RNF123: variants seen among roughly 807,000 people sequenced by gnomAD.
The protein encoded by RNF123 is ring finger protein 123.
RNF123 carries 86 observed loss-of-function variants against 168.5 expected under a neutral mutation model. The observed-to-expected ratio is 0.51, with a 90% confidence interval of 0.43 to 0.61. RNF123 has a LOEUF of 0.61. Ranked by LOEUF, RNF123 falls within the 20% of genes least tolerant of loss-of-function variation. The pLI, the probability that RNF123 is intolerant of heterozygous loss-of-function variation, is 0.00. For synonymous variants in RNF123, 666 were observed against 689.1 expected (o/e 0.97, Z 0.52); for missense variants, 1,419 against 1,729.7 (o/e 0.82, Z 3.19).
chr3:49,691,325 C>T (rs2054160200), intron 2 of RNF123, 78 bp downstream of exon 2: 2 of 1,580,906 alleles, frequency 1.3e-6, no homozygotes, highest in Admixed American at 1.7e-5. Context: ...GGCCTTGCTG[C>T]ACCTGTGGCT....
chr3:49,715,293 A>T (rs963271468), intron 31 of RNF123, among the ~76,000 whole-genome samples: 2 of 152,240 alleles, frequency 1.3e-5, no homozygotes, highest in African/African-American at 4.8e-5. Context: ...GCTGAGGGTC[A>T]GGCTGTGGCT....
At chr3:49,698,301 CAG>C in intron 7 of RNF123, 137 bp from the exon 8 acceptor site, 1 of 929,160 alleles carries the variant, frequency 1.1e-6, no homozygotes, top group Non-Finnish European at 1.7e-6. Context: ...CACCCCAGCT[CAG>C]AGAATACCTC....
chr3:49,711,981 C>T (rs919810756), intron 26 of RNF123, among the ~76,000 whole-genome samples: 1 of 152,132 alleles, frequency 6.6e-6, no homozygotes, highest in Non-Finnish European at 1.5e-5. Context: ...CTAAAACTTG[C>T]TTACAGGCTG....
At chr3:49,691,009 T>G in intron 1 of RNF123, 121 bp from the exon 2 acceptor site, 21 of 605,044 alleles carry the variant, frequency 3.5e-5, no homozygotes, top group East Asian at 5.8e-5. Flanking sequence ...CCCTGCCCTA[T>G]GTGTTAGTGT....
intron 13 of RNF123, 44 bp downstream of exon 13, chr3:49,700,396 C>T (rs1276929701): frequency 1.9e-6 from 3 of 1,612,958 alleles, no homozygotes; most frequent in South Asian, 2.2e-5. Flanking sequence ...TGTCAGTCTT[C>T]ACTGGGGTCG....
chr3:49,692,834 C>T (rs534468456), intron 3 of RNF123, among the ~76,000 whole-genome samples: 23 of 152,224 alleles, frequency 1.5e-4, no homozygotes, highest in African/African-American at 5.5e-4. Flanking sequence ...AATAGTACTC[C>T]GTTGTGTATA....
At chr3:49,706,420 G>T (rs1266610709) in intron 25 of RNF123, among the ~76,000 whole-genome samples, 1 of 152,240 alleles carries the variant, frequency 6.6e-6, no homozygotes, top group East Asian at 1.9e-4. Context: ...AGCCCAGGAA[G>T]GTGGGGCCCA....
intron 23 of RNF123, 44 bp from the exon 24 acceptor site, chr3:49,705,490 C>T (rs371085589): frequency 6.5e-7 from 1 of 1,537,826 alleles, no homozygotes; most frequent in East Asian, 2.3e-5. Context: ...CTCAGGAGAG[C>T]CGGGATGGCC....
chr3:49,700,039 A>C, intron 12 of RNF123, 188 bp from the exon 13 acceptor site: 1 of 790,584 alleles, frequency 1.3e-6, no homozygotes, highest in Non-Finnish European at 2.0e-6. Context: ...GCCAAGCCTT[A>C]GAGGAGCCGT....
In RNF123 at chr3:49,702,322, C is replaced by T. The variant is rs752683308; in HGVS notation, c.1558-12C>T. The T allele has an allele frequency of 3.3e-5, 54 of 1,613,908 alleles. No homozygotes were observed. The highest frequency in any genetic ancestry group is 4.5e-5 in the Non-Finnish European group (53 of 1,179,886). ...TCAGCTCAGCACAGCCTCACTTTTC[C>T]CTCTCTCAAAGGGTGAAGCTTCTAG... On this transcript the variant is annotated splice_polypyrimidine_tract_variant and intron_variant, in intron 18 of 38. Coordinates refer to ENST00000327697, the MANE Select transcript of RNF123 (RefSeq NM_022064.5).
intron 3 of RNF123, 83 bp from the exon 4 acceptor site, chr3:49,697,060 G>A (rs1162135740): frequency 6.0e-6 from 7 of 1,167,646 alleles, no homozygotes; most frequent in Non-Finnish European, 6.3e-6. Flanking sequence ...CCCCCTGTGA[G>A]CTCAGGGGAA....
intron 26 of RNF123, among the ~76,000 whole-genome samples, chr3:49,709,744 T>C (rs937533566): frequency 6.6e-6 from 1 of 152,080 alleles, no homozygotes; most frequent in African/African-American, 2.4e-5. Context: ...CTGCAATTTT[T>C]GTATTTTTTG....
intron 18 of RNF123, 33 bp downstream of exon 18, chr3:49,702,177 C>T: frequency 6.2e-7 from 1 of 1,611,022 alleles, no homozygotes; most frequent in Non-Finnish European, 8.5e-7. Context: ...GGGTGGGGCC[C>T]TGTGGGGAGG....
Position 49,701,973 on chromosome 3 carries a change from A to T in RNF123, c.1495+63A>T. On this transcript the variant is annotated intron_variant, in intron 17 of 38. Coordinates refer to ENST00000327697, the MANE Select transcript of RNF123 (RefSeq NM_022064.5). ...TGTGTGTGCACATGAGGGTGCTTGG[A>T]GGTGCCCATGTCTAGGTGGGACTTG... 18 of 1,550,190 alleles carry T rather than the reference A, an allele frequency of 1.2e-5. No individual in the cohort carries two copies. The South Asian group carries it at 2.0e-4, about 17-fold the overall frequency.
At chr3:49,719,266 T>A in intron 35 of RNF123, 1 of 1,613,270 alleles carries the variant, frequency 6.2e-7, no homozygotes, top group Non-Finnish European at 8.5e-7. Flanking sequence ...GTGGCTCAGG[T>A]CGAGGTCCGC....
chr3:49,716,040 C>T (rs750533323), intron 33 of RNF123, 30 bp downstream of exon 33: 2 of 1,613,664 alleles, frequency 1.2e-6, no homozygotes, highest in Non-Finnish European at 1.7e-6. Flanking sequence ...AAGGGTGGGA[C>T]CCTGGGGATG....
At chr3:49,718,948 G>A in intron 35 of RNF123, 1 of 1,613,780 alleles carries the variant, frequency 6.2e-7, no homozygotes, top group Non-Finnish European at 8.5e-7. Flanking sequence ...GTGGTCGAAG[G>A]AGAACGAGGC....
intron 24 of RNF123, 137 bp downstream of exon 24, chr3:49,705,816 G>C: frequency 6.8e-7 from 1 of 1,478,286 alleles, no homozygotes; most frequent in African/African-American, 1.4e-5. Context: ...AGCGAGGCTG[G>C]TTTCTGCTCC....
chr3:49,716,848 C>A, intron 35 of RNF123: 1 of 208,886 alleles, frequency 4.8e-6, no homozygotes, highest in Non-Finnish European at 9.8e-6. Flanking sequence ...AAGGCTCTAG[C>A]AATAAGCATG....
Sources: allele counts gnomAD v4.1 joint callset (sites outside exome capture counted in the v4.1 genomes callset), GRCh38; gene constraint gnomAD v4.1.1; transcripts MANE v1.5; gene names NCBI Gene and HGNC (gene_info 2026-07-23, HGNC 2026-07-21).